Variants in SEC31A observed in about 807,000 individuals in gnomAD.
SEC31A encodes the protein SEC31 homolog A, COPII component.
Under a neutral mutation model 151.0 loss-of-function variants are expected in SEC31A, and 70 were observed. The ratio of observed to expected loss-of-function variants is 0.46; its 90% CI spans 0.38 to 0.57. SEC31A has a LOEUF of 0.57. SEC31A is among the 20% of genes least tolerant of loss of function. The pLI is 0.00. For synonymous variants in SEC31A, 475 were observed against 505.9 expected (o/e 0.94, Z 0.82); for missense variants, 1,330 against 1,471.2 (o/e 0.90, Z 1.57).
chr4:82,837,746 G>A (rs1250390859), intron 22 of SEC31A, among the ~76,000 whole-genome samples: 1 of 152,220 alleles, frequency 6.6e-6, no homozygotes, highest in African/African-American at 2.4e-5. Context: ...CTGGGGGAAG[G>A]AAGAGGGAAC....
intron 22 of SEC31A, among the ~76,000 whole-genome samples, chr4:82,837,158 C>CATATATATATATAT (rs138120291): frequency 1.2e-4 from 5 of 42,674 alleles, no homozygotes; most frequent in Non-Finnish European, 2.2e-4. Flanking sequence ...TAAATTTTAT[C>CATATATATATATAT]ATATATATAT....
chr4:82,821,815 T>C (rs964543840), intron 25 of SEC31A, among the ~76,000 whole-genome samples: 1 of 152,158 alleles, frequency 6.6e-6, no homozygotes, highest in Admixed American at 6.6e-5. Flanking sequence ...GTAGTTATTG[T>C]CGATTATGGG....
At chr4:82,887,583 T>A (rs1456228526) in intron 1 of SEC31A, among the ~76,000 whole-genome samples, 2 of 152,194 alleles carry the variant, frequency 1.3e-5, no homozygotes, top group African/African-American at 4.8e-5. Flanking sequence ...TCCATGTATG[T>A]CCTGGCTCCT....
intron 22 of SEC31A, among the ~76,000 whole-genome samples, chr4:82,835,624 C>T (rs1727027809): frequency 6.6e-6 from 1 of 152,016 alleles, no homozygotes; most frequent in Non-Finnish European, 1.5e-5. Flanking sequence ...GGTGAAACCC[C>T]GTCTCCACTA....
chr4:82,874,655 T>C lies in SEC31A; in HGVS notation c.595A>G (p.Arg199Gly). The C allele has an allele frequency of 6.2e-7, 1 of 1,612,380 alleles. No individual in the cohort carries two copies. The highest frequency in any genetic ancestry group is 1.1e-5 in the South Asian group (1 of 90,650). ...PSGRATVWDL[R>G]KNEPIIKVSD... ...ACTTTGATGATTGGCTCATTTTTTC[T>C]AAGATCCCATACAGTGGCCCGGCCA... The change falls in exon 6 of 27, where the codon AGA (arginine) becomes GGA (glycine). Residue 199 changes from arginine to glycine, a missense_variant. By Grantham distance (125) the Arg-to-Gly change is moderately radical. Coordinates refer to ENST00000395310, the MANE Select transcript of SEC31A (RefSeq NM_001077207.4).
At chr4:82,833,711 G>A (rs1400491749) in intron 22 of SEC31A, among the ~76,000 whole-genome samples, 1 of 152,026 alleles carries the variant, frequency 6.6e-6, no homozygotes, top group Non-Finnish European at 1.5e-5. Flanking sequence ...TCAAGGGTAT[G>A]GAATGTCAGT....
intron 8 of SEC31A, 75 bp from the exon 9 acceptor site, chr4:82,867,391 T>C (rs1735641490): frequency 7.9e-7 from 1 of 1,272,904 alleles, no homozygotes; most frequent in South Asian, 1.3e-5. Flanking sequence ...CCTGAATTAA[T>C]GTGGTCAACA....
intron 22 of SEC31A, among the ~76,000 whole-genome samples, chr4:82,839,149 G>T (rs1207256021): frequency 6.6e-6 from 1 of 151,524 alleles, no homozygotes; most frequent in Non-Finnish European, 1.5e-5. Context: ...GCTAATTTTT[G>T]TATTTTTTTT....
At chr4:82,842,082 C>A in intron 22 of SEC31A, 58 bp downstream of exon 22, 1 of 1,312,888 alleles carries the variant, frequency 7.6e-7, no homozygotes, top group South Asian at 1.5e-5. Flanking sequence ...TCCATCCACC[C>A]ATCTGTTCAT....
rs1361325476 is a variant in SEC31A at position 82,891,093 on chromosome 4, G to C, written c.-10C>G. ...AAAGCAACGGGCGGACGCACCTGGCGAGGACCTTCGGCAGCCGGATCCTGC... is the reference window on the plus strand; with the variant it reads ...AAAGCAACGGGCGGACGCACCTGGCCAGGACCTTCGGCAGCCGGATCCTGC... On this transcript the variant is annotated 5_prime_UTR_variant, in exon 1 of 27. Coordinates refer to ENST00000395310, the MANE Select transcript of SEC31A (RefSeq NM_001077207.4). 1.3e-6 allele frequency: 2 copies of C among 1,535,950 alleles called. No homozygotes were observed. The highest frequency in any genetic ancestry group is 1.2e-5 in the South Asian group (1 of 84,060).
At chr4:82,827,070 G>T (rs1245451683) in intron 24 of SEC31A, among the ~76,000 whole-genome samples, 1 of 152,024 alleles carries the variant, frequency 6.6e-6, no homozygotes, top group East Asian at 1.9e-4. Flanking sequence ...AACAGCTTTT[G>T]CTTAGCAACC....
In SEC31A at chr4:82,818,980, A is replaced by G; in HGVS notation, c.*94T>C. 1.0e-6 allele frequency: 1 copy of G among 968,336 alleles called. No individual in the cohort carries two copies. The highest frequency in any genetic ancestry group is 3.0e-5 in the Admixed American group (1 of 33,042). The allele number at this position is 968,336 out of a possible 1,614,324, so 60.0% of individuals were successfully genotyped here. On this transcript the variant is annotated 3_prime_UTR_variant, in exon 27 of 27. Transcript: ENST00000395310. ...GCTCTTGACTGGTTGCTATGCAAACATGCTAATGAGGACTAGTCCATGTCT... is the reference window on the plus strand; with the variant it reads ...GCTCTTGACTGGTTGCTATGCAAACGTGCTAATGAGGACTAGTCCATGTCT...
intron 10 of SEC31A, 127 bp downstream of exon 10, chr4:82,866,681 A>G (rs1735475846): frequency 1.0e-5 from 8 of 796,026 alleles, no homozygotes; most frequent in African/African-American, 1.8e-5. Context: ...TGAATGATGA[A>G]ATACCCACAA....
At chr4:82,844,125 T>G in intron 21 of SEC31A, 1 of 394,316 alleles carries the variant, frequency 2.5e-6, no homozygotes, top group Non-Finnish European at 4.5e-6. Flanking sequence ...ATGGGACACT[T>G]GATTATCTTT....
chr4:82,839,440 C>T (rs529740908), intron 22 of SEC31A, among the ~76,000 whole-genome samples: 121 of 152,218 alleles, frequency 7.9e-4, no homozygotes, highest in South Asian at 4.6e-3. Context: ...CATGAGCCAC[C>T]GCGCCCAGCC....
intron 4 of SEC31A, among the ~76,000 whole-genome samples, chr4:82,878,408 C>G (rs1247823679): frequency 1.3e-5 from 2 of 152,154 alleles, no homozygotes; most frequent in African/African-American, 4.8e-5. Context: ...GCAGGAGAAT[C>G]ACTTGAACCC....
At chr4:82,879,296 A>C (rs1237984816) in intron 3 of SEC31A, among the ~76,000 whole-genome samples, 2 of 151,826 alleles carry the variant, frequency 1.3e-5, no homozygotes, top group Non-Finnish European at 2.9e-5. Context: ...AATAGAGCTA[A>C]TCAATCACTT....
intron 9 of SEC31A, 42 bp downstream of exon 9, chr4:82,867,113 T>A: frequency 6.3e-7 from 1 of 1,578,018 alleles, no homozygotes; most frequent in Non-Finnish European, 8.7e-7. Context: ...ACACATACTT[T>A]TTTCAGGCAT....
chr4:82,879,877 TA>T (rs1285733739), intron 3 of SEC31A, among the ~76,000 whole-genome samples: 1 of 152,228 alleles, frequency 6.6e-6, no homozygotes, highest in Non-Finnish European at 1.5e-5. Context: ...AACTGTGAGA[TA>T]TATTTCTAAA....
Sources: allele counts gnomAD v4.1 joint callset (sites outside exome capture counted in the v4.1 genomes callset), GRCh38; gene constraint gnomAD v4.1.1; transcripts MANE v1.5; gene names NCBI Gene and HGNC (gene_info 2026-07-23, HGNC 2026-07-21).